Variants in MYH14 observed in about 807,000 individuals in gnomAD.
MYH14 encodes myosin-14.
MYH14 carries 123 observed loss-of-function variants against 255.5 expected under a neutral mutation model. That is an observed-to-expected ratio of 0.48 (90% CI 0.42 to 0.56). The LOEUF (loss-of-function observed/expected upper bound fraction) is 0.56, where lower values mean the gene tolerates loss of function less well. Ranked by LOEUF, MYH14 falls within the 20% of genes least tolerant of loss-of-function variation. MYH14 has a pLI of 0.00. For missense variants in MYH14, 2,423 were observed against 2,802.3 expected (o/e 0.86, Z 3.06); for synonymous variants, 1,095 against 1,161.2 (o/e 0.94, Z 1.16).
chr19:50,251,825 G>T (rs1360339424), intron 15 of MYH14, among the ~76,000 whole-genome samples: 1 of 152,068 alleles, frequency 6.6e-6, no homozygotes, highest in Non-Finnish European at 1.5e-5. Flanking sequence ...TGATCCACCC[G>T]CATAGGCCTC....
At position 50,257,630 on chromosome 19, in the gene MYH14, C is replaced by T. The variant is rs1031779774; in HGVS notation, c.2232+144C>T. The T allele has an allele frequency of 1.0e-4, 86 of 830,124 alleles. No homozygotes were observed. The East Asian group carries it at 2.1e-3, about 20-fold the overall frequency. 51.4% of individuals were successfully genotyped at this position (830,124 alleles called of 1,614,324 possible). A position where few individuals can be genotyped will look rare whatever the true frequency, so the allele number is the denominator to read the frequency against. ...AGCAAATTGCTTCTATTCCTAGGCT[C>T]AGGGTCCGGTTGGGAAAATTCATGC... On this transcript the variant is annotated intron_variant, in intron 18 of 42. Coordinates refer to ENST00000642316, the MANE Select transcript of MYH14 (RefSeq NM_001145809.2).
chr19:50,245,346 G>C (rs1465567333), intron 11 of MYH14, among the ~76,000 whole-genome samples: 2 of 150,184 alleles, frequency 1.3e-5, no homozygotes, highest in African/African-American at 4.9e-5. Flanking sequence ...TTGAACCCAG[G>C]AGGCGGAGGT....
At chr19:50,286,332 T>G in intron 33 of MYH14, 150 bp from the exon 34 acceptor site, 1 of 773,406 alleles carries the variant, frequency 1.3e-6, no homozygotes, top group South Asian at 1.9e-5. Context: ...CGGTTGCAAC[T>G]TTAATCCCTC....
At position 50,272,694 on chromosome 19, in the gene MYH14, G is replaced by A; in HGVS notation, c.3430G>A (p.Gly1144Ser). 1 of 1,552,276 alleles carries A rather than the reference G, an allele frequency of 6.4e-7. No homozygotes were observed. The highest frequency in any genetic ancestry group is 8.7e-7 in the Non-Finnish European group (1 of 1,148,352). ...GGCAGAGGAGCTGCGGGCCCAGCTG[G>A]GCCGGAAGGAGGAGGAGCTGCAGGC... ...QRAEELRAQL[G>S]RKEEELQAAL... is the part of the protein sequence containing the mutation. The change falls in exon 27 of 43, where the codon GGC (glycine) becomes AGC (serine). Residue 1144 changes from glycine to serine, a missense_variant. Gly to Ser is a moderately conservative substitution (Grantham distance 56). Coordinates refer to ENST00000642316, the MANE Select transcript of MYH14 (RefSeq NM_001145809.2).
intron 22 of MYH14, 71 bp downstream of exon 22, chr19:50,263,491 G>A (rs563140885): frequency 2.7e-6 from 3 of 1,113,332 alleles, no homozygotes; most frequent in African/African-American, 1.6e-5. Context: ...TGCTTGACAA[G>A]TGACTTCCTC....
chr19:50,238,763 A>G (rs1237225705), intron 10 of MYH14, among the ~76,000 whole-genome samples: 1 of 151,932 alleles, frequency 6.6e-6, no homozygotes, highest in Non-Finnish European at 1.5e-5. Context: ...AGGATCCTTC[A>G]TTTAATCACA....
chr19:50,210,394 G>T lies in MYH14; in HGVS notation c.29G>T (p.Gly10Val). 6.3e-7 allele frequency: 1 copy of T among 1,582,170 alleles called. No individual in the cohort carries two copies. The highest frequency in any genetic ancestry group is 1.4e-5 in the African/African-American group (1 of 72,526). Reference sequence around the variant, plus strand: ...GCAGCCGTGACCATGTCGGTGCCCGGGCGGAAGGCGCCCCCCAGGCCGGGC... The same window carrying T: ...GCAGCCGTGACCATGTCGGTGCCCGTGCGGAAGGCGCCCCCCAGGCCGGGC... MAAVTMSVP[G>V]RKAPPRPGPV... is the part of the protein sequence containing the mutation. The change falls in exon 2 of 43, where the codon GGG becomes GTG. Residue 10 changes from glycine (G) to valine (V), a missense_variant. By Grantham distance (109) the Gly-to-Val change is moderately radical (BLOSUM62 -3). Coordinates refer to ENST00000642316, the MANE Select transcript of MYH14 (RefSeq NM_001145809.2).
In MYH14 at chr19:50,280,349, G is replaced by T; in HGVS notation, c.4256G>T (p.Arg1419Leu). Reference sequence around the variant, plus strand: ...GAGGAGGAGGCAGCTGCCAGGGAACGGGCGGGCCGTGAACTGCAGACTGCC... The same window carrying T: ...GAGGAGGAGGCAGCTGCCAGGGAACTGGCGGGCCGTGAACTGCAGACTGCC... ...QLEEEAAARE[R>L]AGRELQTAQA... The change falls in exon 32 of 43, where the codon CGG (arginine) becomes CTG (leucine). Residue 1419 changes from arginine (R) to leucine (L), a missense_variant. Transcript: ENST00000642316. This position sits in a 1 kb window ranked among gnomAD's most constrained non-coding sequence, Gnocchi z 4.8. 1 of 1,547,686 alleles carries T rather than the reference G, an allele frequency of 6.5e-7. No homozygotes were observed. The highest frequency in any genetic ancestry group is 8.7e-7 in the Non-Finnish European group (1 of 1,145,580).
intron 30 of MYH14, among the ~76,000 whole-genome samples, chr19:50,278,762 G>A (rs2035603290): frequency 6.8e-6 from 1 of 147,804 alleles, no homozygotes; most frequent in Non-Finnish European, 1.5e-5. Flanking sequence ...ATCACCTGAA[G>A]TCAGAAGTTC....
rs117509421 is a variant in MYH14 at position 50,214,880 on chromosome 19, G to A, written c.406-2735G>A. The stretch of plus-strand genomic sequence containing the variant: ...CCCATATCTGGCGTGTGTTGCATGG[G>A]CCCCGCCTCGGCCTGGCTGGTTTTT... On this transcript the variant is annotated intron_variant, in intron 2 of 42. Coordinates refer to ENST00000642316, the MANE Select transcript of MYH14 (RefSeq NM_001145809.2). Among the ~76,000 whole-genome samples the A allele has an allele frequency of 7.5e-3, 1,148 of 152,262 alleles. 8 individuals are homozygous for A. Among genetic ancestry groups the A allele is most frequent in the Non-Finnish European group, 0.011 (761 of 68,004 alleles).
intron 11 of MYH14, 29 bp downstream of exon 11, chr19:50,244,366 C>A: frequency 6.3e-7 from 1 of 1,594,688 alleles, no homozygotes. Flanking sequence ...CTGCCCACGA[C>A]CTCCAGCCCC....
chr19:50,224,240 A>G, intron 6 of MYH14, 63 bp downstream of exon 6: 1 of 1,611,436 alleles, frequency 6.2e-7, no homozygotes, highest in Non-Finnish European at 8.5e-7. Context: ...CACCCAATGC[A>G]TGATCTTCTT....
chr19:50,289,731 G>A, intron 35 of MYH14, 83 bp downstream of exon 35: 2 of 1,303,000 alleles, frequency 1.5e-6, no homozygotes, highest in East Asian at 5.1e-5. Flanking sequence ...GGGCAGCAAG[G>A]GGTCTCCCCG....
chr19:50,309,266 A>G, intron 42 of MYH14, 89 bp downstream of exon 42: 3 of 1,269,706 alleles, frequency 2.4e-6, no homozygotes. Flanking sequence ...AGGGGCAACA[A>G]CAGGGGGAAA....
rs202246093 is a variant in MYH14 at position 50,226,930 on chromosome 19, G to A, written c.838G>A (p.Val280Ile). Reference protein sequence around the residue: ...FGKFIRINFDVAGYIVGANIE... With the variant: ...FGKFIRINFDIAGYIVGANIE... ...CAAATTCATCCGCATCAACTTTGAT[G>A]TTGCCGGGTACATCGTGGGCGCCAA... Residue 280 changes from valine to isoleucine, a missense_variant, in exon 8 of 43, where the codon GTT (valine) becomes ATT (isoleucine). Around this residue, in one of 3 missense-constraint regions of MYH14, gnomAD observed 672 missense variants for 881.8 expected, o/e 0.76. Coordinates refer to ENST00000642316, the MANE Select transcript of MYH14 (RefSeq NM_001145809.2). 4.3e-4 allele frequency: 688 copies of A among 1,613,700 alleles called. No individual in the cohort carries two copies. The highest frequency in any genetic ancestry group is 5.3e-4 in the Non-Finnish European group (630 of 1,179,796).
chr19:50,216,801 CTT>C (rs200626930), intron 2 of MYH14, among the ~76,000 whole-genome samples: 1,188 of 112,622 alleles, frequency 0.011, 11 homozygotes, highest in African/African-American at 0.044. Flanking sequence ...TCCATCCTTT[CTT>C]TTTTTTTTTT....
chr19:50,261,508 C>A lies in MYH14; in HGVS notation c.2458C>A (p.Arg820Ser), dbSNP rs767984672. 3.9e-6 allele frequency: 6 copies of A among 1,554,254 alleles called. No homozygotes were observed. In the Admixed American group the frequency reaches 7.5e-5, roughly 19 times the overall value. Residue 820 changes from arginine (R) to serine (S), a missense_variant, in exon 21 of 43, where the codon CGC (arginine) becomes AGC (serine). By Grantham distance (110) the Arg-to-Ser change is moderately radical. Coordinates refer to ENST00000642316, the MANE Select transcript of MYH14 (RefSeq NM_001145809.2). Reference sequence around the variant, plus strand: ...GCTGGAACTGGACCCCAACCTCTACCGCGTGGGACAGAGCAAGATCTTCTT... The same window carrying A: ...GCTGGAACTGGACCCCAACCTCTACAGCGTGGGACAGAGCAAGATCTTCTT... ...QALELDPNLYRVGQSKIFFRA... is the reference protein window; with the variant it reads ...QALELDPNLYSVGQSKIFFRA...
chr19:50,268,715 C>T lies in MYH14; in HGVS notation c.3033+348C>T, dbSNP rs144423158. Among the ~76,000 whole-genome samples, 834 of 152,118 alleles carry T rather than the reference C, an allele frequency of 5.5e-3. 8 individuals carry two copies. The highest frequency in any genetic ancestry group is 0.019 in the African/African-American group (797 of 41,506). On this transcript the variant is annotated intron_variant, in intron 24 of 42. Coordinates refer to ENST00000642316, the MANE Select transcript of MYH14 (RefSeq NM_001145809.2). ...TGGATCCAGGCGCCTAAGTGATGTC[C>T]TCAGCTTCAGGCATGGCTGGATCCA...
chr19:50,259,099 C>T lies in MYH14; in HGVS notation c.2233-45C>T, dbSNP rs753617390. On this transcript the variant is annotated intron_variant, in intron 18 of 42. Transcript: ENST00000642316. ...GCCAAGCTTGACCGTTTGGCGCCCC[C>T]GTGTGGCCGCCGCTGACCCCCGCGT... The T allele has an allele frequency of 5.9e-6, 9 of 1,529,364 alleles. No individual in the cohort carries two copies. The South Asian group carries it at 8.5e-5, about 14-fold the overall frequency. The allele number at this position is 1,529,364 out of a possible 1,614,324, so 94.7% of individuals were successfully genotyped here. A position where few individuals can be genotyped will look rare whatever the true frequency, so the allele number is the denominator to read the frequency against.
Sources: gnomAD v4.1 joint callset for allele counts (sites outside exome capture counted in the v4.1 genomes callset) on GRCh38, gnomAD v4.1.1 for gene constraint, gnomAD v4.1.1 regional missense constraint, Gnocchi (gnomAD v3.1) non-coding constraint, MANE v1.5 for transcripts, NCBI Gene and HGNC (gene_info 2026-07-23, HGNC 2026-07-21) for gene names.